ZNF484: variants seen among roughly 807,000 people sequenced by gnomAD.
The protein encoded by ZNF484 is zinc finger protein 484, also known as KRAB box containing C2H2 type zinc finger bA526D8.4.
In ZNF484, 11 loss-of-function variants were observed where a neutral mutation model predicts 12.9. The observed-to-expected ratio is 0.85, with a 90% CI of 0.54 to 1.41. The LOEUF (loss-of-function observed/expected upper bound fraction) is 1.41, where lower values mean the gene tolerates loss of function less well. Among genes scored for constraint, ZNF484 ranks in the 40% most tolerant of loss-of-function variants. The pLI, the probability that ZNF484 is intolerant of heterozygous loss-of-function variation, is 0.00. For missense variants in ZNF484, 807 were observed against 1,007.7 expected (o/e 0.80, Z 2.70); for synonymous variants, 289 against 334.1 (o/e 0.86, Z 1.47).
At chr9:92,865,010 A>C (rs1264714235) in intron 2 of ZNF484, among the ~76,000 whole-genome samples, 1 of 152,190 alleles carries the variant, frequency 6.6e-6, no homozygotes, top group Non-Finnish European at 1.5e-5. Context: ...ATGTAGACAG[A>C]AATCACACAC....
chr9:92,873,835 A>T (rs1010972167), intron 2 of ZNF484, among the ~76,000 whole-genome samples: 2 of 152,196 alleles, frequency 1.3e-5, no homozygotes, highest in African/African-American at 4.8e-5. Flanking sequence ...GTACCAAAAG[A>T]AAAAACAGAA....
chr9:92,865,232 G>C (rs989124113), intron 2 of ZNF484, among the ~76,000 whole-genome samples: 2 of 152,106 alleles, frequency 1.3e-5, no homozygotes, highest in Admixed American at 1.3e-4. Context: ...TTGAGTCCAC[G>C]AGTTTGAGAC....
chr9:92,848,510 C>G lies in ZNF484; in HGVS notation c.277G>C (p.Glu93Gln). ...ATCTCAGACTGGAAAGAAACTTCTT[C>G]AGACATCCTCTGTTGTAAAGGTCCA... ...GFGPLQQRMS[E>Q]EVSFQSEINI... Residue 93 changes from glutamate (E) to glutamine (Q), a missense_variant, in exon 5 of 5, where the codon GAA (glutamate) becomes CAA (glutamine). By Grantham distance (29) the Glu-to-Gln change is conservative (BLOSUM62 2). Transcript: ENST00000375495. The surrounding 1 kb of genome is among the most constrained non-coding windows in gnomAD (Gnocchi z 4.1). 2 of 1,609,952 alleles carry G rather than the reference C, an allele frequency of 1.2e-6. No individual in the cohort carries two copies. The highest frequency in any genetic ancestry group is 1.7e-6 in the Non-Finnish European group (2 of 1,179,260).
chr9:92,846,873 A>T lies in ZNF484; in HGVS notation c.1914T>A (p.Cys638Ter). 6.2e-7 allele frequency: 1 copy of T among 1,613,870 alleles called. No homozygotes were observed. The highest frequency in any genetic ancestry group is 8.5e-7 in the Non-Finnish European group (1 of 1,179,962). ...CAGTAAAAGCCTTTCCACATTCAGCACACCTATAGGGTTTCTCTCCTGTGT... is the reference window on the plus strand; with the variant it reads ...CAGTAAAAGCCTTTCCACATTCAGCTCACCTATAGGGTTTCTCTCCTGTGT... ...QIHTGEKPYR[C>*]AECGKAFTDR... The change falls in exon 5 of 5, where the codon TGT becomes TGA. Residue 638 changes from cysteine (C) to a stop codon, truncating the protein, a stop_gained. Coordinates refer to ENST00000375495, the MANE Select transcript of ZNF484 (RefSeq NM_031486.4). LOFTEE classifies it low-confidence loss of function (END_TRUNC).
At chr9:92,865,019 A>C (rs749024943) in intron 2 of ZNF484, among the ~76,000 whole-genome samples, 24 of 152,218 alleles carry the variant, frequency 1.6e-4, no homozygotes, top group Non-Finnish European at 3.4e-4. Context: ...GAAATCACAC[A>C]CACACACACA....
chr9:92,850,934 T>A (rs764663729), intron 4 of ZNF484, among the ~76,000 whole-genome samples: 3 of 152,122 alleles, frequency 2.0e-5, no homozygotes, highest in Non-Finnish European at 4.4e-5. Flanking sequence ...GGGGTACTGA[T>A]GTGATAAATG....
intron 2 of ZNF484, among the ~76,000 whole-genome samples, chr9:92,856,746 G>A (rs1257153495): frequency 3.3e-5 from 5 of 151,996 alleles, no homozygotes; most frequent in Non-Finnish European, 7.4e-5. Context: ...TTTTGAGACA[G>A]AGTCTCGCTC....
intron 2 of ZNF484, among the ~76,000 whole-genome samples, chr9:92,874,223 C>A (rs1035610917): frequency 6.6e-5 from 10 of 152,092 alleles, no homozygotes; most frequent in African/African-American, 2.4e-4. Context: ...AAATCAGAAT[C>A]TGAATTCAAA....
intron 2 of ZNF484, among the ~76,000 whole-genome samples, chr9:92,871,804 G>A (rs1857449221): frequency 6.6e-6 from 1 of 152,204 alleles, no homozygotes; most frequent in Admixed American, 6.5e-5. Flanking sequence ...GAATATGTTA[G>A]GTTGCATGGC....
intron 4 of ZNF484, among the ~76,000 whole-genome samples, chr9:92,849,801 T>TC (rs1186766724): frequency 5.6e-5 from 8 of 142,408 alleles, no homozygotes; most frequent in Admixed American, 2.1e-4. Flanking sequence ...TCTCTCTCTC[T>TC]TTTTTTTTTT....
At chr9:92,877,266 GA>G (rs1213848996) in intron 1 of ZNF484, among the ~76,000 whole-genome samples, 2 of 151,914 alleles carry the variant, frequency 1.3e-5, no homozygotes, top group Non-Finnish European at 2.9e-5. Context: ...AAGAAAAAGA[GA>G]AAAAAATTAA....
intron 4 of ZNF484, among the ~76,000 whole-genome samples, chr9:92,849,623 C>T (rs1181856149): frequency 1.3e-5 from 2 of 151,884 alleles, no homozygotes; most frequent in African/African-American, 4.8e-5. Context: ...CCCATCTCTA[C>T]AGAAAAATGA....
At chr9:92,875,679 C>G (rs567740227) in intron 1 of ZNF484, among the ~76,000 whole-genome samples, 32 of 152,282 alleles carry the variant, frequency 2.1e-4, no homozygotes, top group African/African-American at 7.5e-4. Context: ...CCCAAGAGTC[C>G]CAATCCTAGG....
At chr9:92,858,407 C>T (rs1401082973) in intron 2 of ZNF484, among the ~76,000 whole-genome samples, 2 of 151,648 alleles carry the variant, frequency 1.3e-5, no homozygotes, top group African/African-American at 4.8e-5. Context: ...AAAGGTATAA[C>T]CTATCAGAGT....
intron 2 of ZNF484, among the ~76,000 whole-genome samples, chr9:92,869,941 A>C (rs185723848): frequency 3.9e-5 from 6 of 152,352 alleles, no homozygotes; most frequent in Admixed American, 1.3e-4. Flanking sequence ...GTTCAAATGC[A>C]AAGGACAAAG....
rs117360596 is a variant in ZNF484 at position 92,877,889 on chromosome 9, C to T, written c.-31+1G>A. 37,335 of 1,535,466 alleles carry T rather than the reference C, an allele frequency of 0.024. 549 individuals carry two copies. Among genetic ancestry groups the T allele is most frequent in the Non-Finnish European group, 0.029 (33,686 of 1,146,636 alleles). ...ACAGATGCTGCCATCCCTCTACTCA[C>T]CTGCCCCTCACCCACGTCCTCTCAG... On this transcript the variant is annotated splice_donor_variant, in intron 1 of 4. Transcript: ENST00000375495. LOFTEE classifies it low-confidence loss of function (5UTR_SPLICE).
rs1855486606 is a variant in ZNF484, at chr9:92,844,646, T to C, written c.*1582A>G. 6.6e-6 allele frequency among the ~76,000 whole-genome samples: 1 copy of C among 152,094 alleles called. No homozygotes were observed. The highest frequency in any genetic ancestry group is 2.4e-5 in the African/African-American group (1 of 41,418). ...ATAAAAGACAAACCAAAATAAAATATCATCAAAATACTAATAGAAAACAAC... is the reference window on the plus strand; with the variant it reads ...ATAAAAGACAAACCAAAATAAAATACCATCAAAATACTAATAGAAAACAAC... On this transcript the variant is annotated 3_prime_UTR_variant, in exon 5 of 5. Coordinates refer to ENST00000375495, the MANE Select transcript of ZNF484 (RefSeq NM_031486.4).
chr9:92,859,480 C>T (rs1189516804), intron 2 of ZNF484, among the ~76,000 whole-genome samples: 1 of 152,132 alleles, frequency 6.6e-6, no homozygotes, highest in Non-Finnish European at 1.5e-5. Context: ...ACTAGAGGAG[C>T]TTGCAACCTG....
intron 4 of ZNF484, among the ~76,000 whole-genome samples, chr9:92,852,191 C>A (rs1312543667): frequency 6.6e-6 from 1 of 152,218 alleles, no homozygotes; most frequent in African/African-American, 2.4e-5. Flanking sequence ...ATGTAGGTTT[C>A]TCTGAATTTC....
Sources: gnomAD v4.1 joint callset for allele counts (sites outside exome capture counted in the v4.1 genomes callset) on GRCh38, gnomAD v4.1.1 for gene constraint, Gnocchi (gnomAD v3.1) non-coding constraint, MANE v1.5 for transcripts, NCBI Gene and HGNC (gene_info 2026-07-23, HGNC 2026-07-21) for gene names.